Variants in RGS6 observed in about 807,000 individuals in gnomAD.
The protein encoded by RGS6 is regulator of G protein signaling 6, also known as regulator of G-protein signaling 6.
In RGS6, 30 loss-of-function variants were observed where a neutral mutation model predicts 78.5. The observed-to-expected ratio is 0.38, with a 90% CI of 0.29 to 0.52. The LOEUF (loss-of-function observed/expected upper bound fraction) is 0.52. RGS6 is among the 20% of genes least tolerant of loss of function. The pLI is 0.85. For missense variants in RGS6, 495 were observed against 609.7 expected (o/e 0.81, Z 1.98); for synonymous variants, 206 against 206.0 (o/e 1.00, Z 0.00).
At chr14:72,465,730 C>G (rs1292498054) in intron 6 of RGS6, 28 bp from the exon 7 acceptor site, 2 of 1,567,308 alleles carry the variant, frequency 1.3e-6, no homozygotes, top group South Asian at 2.2e-5. Context: ...TGGTTTTGTA[C>G]ATGTTGTCAT....
At chr14:72,580,381 C>T in the RGS6 span, among the ~76,000 whole-genome samples, 1 of 151,276 alleles carries the variant, frequency 6.6e-6, no homozygotes, top group Non-Finnish European at 1.5e-5. Flanking sequence ...CCTTGGCATC[C>T]ATATTCATGG....
At chr14:72,102,215 G>C (rs751469038) in intron 2 of RGS6, among the ~76,000 whole-genome samples, 6 of 152,158 alleles carry the variant, frequency 3.9e-5, no homozygotes, top group Non-Finnish European at 8.8e-5. Context: ...GGTCCCCTTA[G>C]GAAGTTGAAA....
chr14:72,595,918 A>C, the RGS6 span, among the ~76,000 whole-genome samples: 2 of 152,134 alleles, frequency 1.3e-5, no homozygotes, highest in African/African-American at 4.8e-5. Flanking sequence ...CTCATTGCCA[A>C]ACTCCTGATT....
rs199629621 is a variant in RGS6 at position 72,084,952 on chromosome 14, CT to C, written c.84+120079del. 4.1e-3 allele frequency among the ~76,000 whole-genome samples: 619 copies of C among 152,280 alleles called. 4 individuals carry two copies. Among genetic ancestry groups the C allele is most frequent in the African/African-American group, 0.014 (566 of 41,546 alleles). On this transcript the variant is annotated intron_variant, in intron 2 of 17. Coordinates refer to ENST00000553525, the MANE Select transcript of RGS6 (RefSeq NM_001204424.2). ...TGTGTTTGTGCGTTTGGTGCTTAAG[CT>C]TCAATCCCCTGGCCACAGCTTGGAT...
chr14:72,540,157 CTTTTT>C, intron 17 of RGS6, 63 bp downstream of exon 17: 4 of 1,296,064 alleles, frequency 3.1e-6, no homozygotes, highest in Admixed American at 2.5e-5. Flanking sequence ...CTTTCTTCTT[CTTTTT>C]TTTTTTTTTC....
chr14:72,421,702 G>A (rs561462797), intron 3 of RGS6: 1 of 152,334 alleles, frequency 6.6e-6, no homozygotes, highest in Non-Finnish European at 1.5e-5. Context: ...GAGCACCAAG[G>A]GGAGAAAGTA....
intron 2 of RGS6, among the ~76,000 whole-genome samples, chr14:72,295,020 G>A (rs903995137): frequency 1.3e-5 from 2 of 152,058 alleles, no homozygotes; most frequent in Admixed American, 6.5e-5. Context: ...GGCCGGGCGC[G>A]GTGGCTCACG....
chr14:72,034,207 G>C (rs2091343299), intron 2 of RGS6, among the ~76,000 whole-genome samples: 1 of 152,132 alleles, frequency 6.6e-6, no homozygotes, highest in South Asian at 2.1e-4. Context: ...CTAGTACTAT[G>C]TTGACGAGAA....
chr14:71,912,867 C>T, the RGS6 span, among the ~76,000 whole-genome samples: 1 of 151,980 alleles, frequency 6.6e-6, no homozygotes, highest in Non-Finnish European at 1.5e-5. Flanking sequence ...GCTCTGTCAC[C>T]CAGGCTGGAG....
chr14:71,991,624 C>T (rs896804432), intron 2 of RGS6, among the ~76,000 whole-genome samples: 1 of 152,082 alleles, frequency 6.6e-6, no homozygotes, highest in African/African-American at 2.4e-5. Context: ...GTAACAACCC[C>T]CTGCTCAGAG....
chr14:72,399,580 T>A (rs2092069461), intron 3 of RGS6, among the ~76,000 whole-genome samples: 2 of 152,220 alleles, frequency 1.3e-5, no homozygotes, highest in South Asian at 4.1e-4. Context: ...CTTATGATGT[T>A]AGCTGGTTAT....
intron 3 of RGS6, among the ~76,000 whole-genome samples, chr14:72,431,113 A>G (rs981222050): frequency 6.6e-6 from 1 of 152,204 alleles, no homozygotes; most frequent in East Asian, 1.9e-4. Flanking sequence ...GCAAAAGTCC[A>G]TATGTACTAG....
At chr14:72,052,184 A>G (rs1368551370) in intron 2 of RGS6, among the ~76,000 whole-genome samples, 3 of 152,180 alleles carry the variant, frequency 2.0e-5, no homozygotes, top group East Asian at 3.8e-4. Context: ...TATCCCCCCA[A>G]AAAGCCTCCT....
At chr14:72,265,941 G>GTC (rs1336207894) in intron 2 of RGS6, among the ~76,000 whole-genome samples, 2 of 145,254 alleles carry the variant, frequency 1.4e-5, no homozygotes, top group Non-Finnish European at 3.0e-5. Context: ...GCTTTTTTGG[G>GTC]GGGGGGGGCG....
intron 2 of RGS6, among the ~76,000 whole-genome samples, chr14:72,121,543 T>G (rs545044017): frequency 6.6e-6 from 1 of 152,302 alleles, no homozygotes; most frequent in South Asian, 2.1e-4. Flanking sequence ...CACTGTGCTG[T>G]GCTCTTTGGT....
rs1164324275 is a variant in RGS6, at chr14:72,563,145, C to G, written c.*678C>G. On this transcript the variant is annotated 3_prime_UTR_variant, in exon 18 of 18. Transcript: ENST00000553525. Reference sequence around the variant, plus strand: ...GGTCCCCGCCAGCCCGGTGGCTGCCCTCAGGTCCCGTCACATGTCTCAAGG... The same window carrying G: ...GGTCCCCGCCAGCCCGGTGGCTGCCGTCAGGTCCCGTCACATGTCTCAAGG... 3.7e-6 allele frequency: 1 copy of G among 270,684 alleles called. No homozygotes were observed. The highest frequency in any genetic ancestry group is 7.3e-6 in the Non-Finnish European group (1 of 137,268). The allele number at this position is 270,684 out of a possible 1,614,324, so 16.8% of individuals were successfully genotyped here. A position where few individuals can be genotyped will look rare whatever the true frequency, so the allele number is the denominator to read the frequency against.
the RGS6 span, among the ~76,000 whole-genome samples, chr14:71,922,515 A>G: frequency 6.6e-6 from 1 of 152,236 alleles, no homozygotes; most frequent in Non-Finnish European, 1.5e-5. Context: ...AGTCTTCATC[A>G]TGGCCTATGT....
rs191489158 is a variant in RGS6, at chr14:72,267,828, A to G, written c.85-84267A>G. Reference sequence around the variant, plus strand: ...GTATTTTAGTGATTCCTAATAAAAGAAAAAAATGTATTTTTGTCCTCACAG... The same window carrying G: ...GTATTTTAGTGATTCCTAATAAAAGGAAAAAATGTATTTTTGTCCTCACAG... On this transcript the variant is annotated intron_variant, in intron 2 of 17. Transcript: ENST00000553525. Among the ~76,000 whole-genome samples the G allele has an allele frequency of 2.0e-4, 31 of 152,342 alleles. No homozygotes were observed. The East Asian group carries it at 6.0e-3, about 29-fold the overall frequency.
chr14:72,568,031 G>T (rs908274731), downstream of RGS6, among the ~76,000 whole-genome samples: 1 of 152,226 alleles, frequency 6.6e-6, no homozygotes. Flanking sequence ...GGCCTGGGGT[G>T]TCGGGTGTAG....
Sources: allele counts gnomAD v4.1 joint callset (sites outside exome capture counted in the v4.1 genomes callset), GRCh38; gene constraint gnomAD v4.1.1; transcripts MANE v1.5; gene names NCBI Gene and HGNC (gene_info 2026-07-23, HGNC 2026-07-21).